Variants in CCDC88A observed in about 807,000 individuals in gnomAD.
The protein encoded by CCDC88A is coiled-coil and HOOK domain protein 88A, also known as girdin.
In CCDC88A, 54 loss-of-function variants were observed where a neutral mutation model predicts 234.3. That is an observed-to-expected ratio of 0.23 (90% confidence interval 0.19 to 0.29). The LOEUF is 0.29. Ranked by LOEUF, CCDC88A falls within the 10% of genes least tolerant of loss-of-function variation. The probability of loss-of-function intolerance (pLI) is 1.00; values close to 1 mark genes in which losing one functional copy is unlikely to be tolerated. For synonymous variants in CCDC88A, 753 were observed against 737.8 expected, an observed-to-expected ratio of 1.02 and a Z score of -0.33; for missense variants, 1,832 against 2,123.4, an observed-to-expected ratio of 0.86 and a Z score of 2.70.
At chr2:55,399,795 G>C (rs1345428975) in intron 2 of CCDC88A, 1 of 152,124 alleles carries the variant, frequency 6.6e-6, no homozygotes, top group Non-Finnish European at 1.5e-5. Context: ...CAGGAATTCA[G>C]AGTCATAAGA....
At position 55,396,110 on chromosome 2, in the gene CCDC88A, A is replaced by C. The variant is rs146596137; in HGVS notation, c.165-7224T>G. Among the ~76,000 whole-genome samples the C allele has an allele frequency of 4.3e-3, 650 of 152,102 alleles. 2 individuals are homozygous for C. The highest frequency in any genetic ancestry group is 6.3e-3 in the Non-Finnish European group (427 of 67,988). ...TGTCTGGTATCTTTTTTAGTCAGTA[A>C]GTTAAACAAATACTCACTGAGTACC... is the stretch of plus-strand genomic sequence containing the variant. On this transcript the variant is annotated intron_variant, in intron 2 of 32. Coordinates refer to ENST00000436346, the MANE Select transcript of CCDC88A (RefSeq NM_001365480.1).
chr2:55,376,538 A>T (rs920110200), intron 3 of CCDC88A, among the ~76,000 whole-genome samples: 2 of 152,172 alleles, frequency 1.3e-5, no homozygotes, highest in African/African-American at 2.4e-5. Context: ...CTTATCTATA[A>T]TTCTTTATAG....
In CCDC88A at chr2:55,328,286, T is replaced by A. The variant is rs755446822; in HGVS notation, c.2997+8A>T. 6.4e-7 allele frequency: 1 copy of A among 1,562,456 alleles called. No homozygotes were observed. ...ATCCTTAAAATTCTTTCCAAGAAAA[T>A]CACTTACTGTTTTAAGTTCTTGGCG... On this transcript the variant is annotated splice_region_variant and intron_variant, in intron 17 of 32. Coordinates refer to ENST00000436346, the MANE Select transcript of CCDC88A (RefSeq NM_001365480.1). The surrounding 1 kb of genome is among the most constrained non-coding windows in gnomAD (Gnocchi z 4.3).
chr2:55,389,558 C>T (rs1402984329), intron 2 of CCDC88A, among the ~76,000 whole-genome samples: 4 of 152,138 alleles, frequency 2.6e-5, no homozygotes, highest in African/African-American at 9.7e-5. Flanking sequence ...TTAATCTGTT[C>T]CCTTTCTACA....
rs1294898925 is a variant in CCDC88A, at chr2:55,289,749, AAGAG to A, written c.*1447_*1450del. On this transcript the variant is annotated 3_prime_UTR_variant, in exon 33 of 33. Transcript: ENST00000436346. ...ACACAACATTGCTACTGGCCTACGA[AAGAG>A]AGAGAGAAAGAGGGAGAGAGAAAGA... is the stretch of plus-strand genomic sequence containing the variant. 7.5e-6 allele frequency: 1 copy of A among 132,912 alleles called. No homozygotes were observed. Among genetic ancestry groups the A allele is most frequent in the Non-Finnish European group, 1.6e-5 (1 of 62,300 alleles). The allele number at this position is 132,912 out of a possible 1,614,324, so 8.2% of individuals were successfully genotyped here. A position where few individuals can be genotyped will look rare whatever the true frequency, so the allele number is the denominator to read the frequency against.
At chr2:55,416,305 G>C (rs1209110033) in intron 2 of CCDC88A, among the ~76,000 whole-genome samples, 1 of 149,896 alleles carries the variant, frequency 6.7e-6, no homozygotes, top group African/African-American at 2.4e-5. Context: ...CATCACAACA[G>C]ACTATCCAAA....
intron 29 of CCDC88A, among the ~76,000 whole-genome samples, chr2:55,297,355 A>AAATATATATAATATATATTATATAT (rs1680258075): frequency 6.2e-5 from 6 of 97,162 alleles, no homozygotes; most frequent in East Asian, 4.3e-4. Context: ...TATTATATAT[A>AAATATATATAATATATATTATATAT]AATATATATA....
Position 55,295,705 on chromosome 2 carries a change from T to G in CCDC88A, c.5443A>C (p.Thr1815Pro). Residue 1815 changes from threonine (T) to proline (P), a missense_variant, in exon 31 of 33, where the codon ACT (threonine) becomes CCT (proline). Physicochemically the swap from Thr to Pro is conservative, Grantham distance 38 (BLOSUM62 -1). This residue lies in a region of CCDC88A where 422 missense variants were observed against 416.5 expected (regional missense o/e 1.01). Coordinates refer to ENST00000436346, the MANE Select transcript of CCDC88A (RefSeq NM_001365480.1). ...ASSVISTAEG[T>P]TRRTSIHDFL... ...TCATGGATGCTTGTCCTTCGTGTAGTTCCTTCGGCAGTTGAGATCACGCTG... is the reference window on the plus strand; with the variant it reads ...TCATGGATGCTTGTCCTTCGTGTAGGTCCTTCGGCAGTTGAGATCACGCTG... 6.2e-7 allele frequency: 1 copy of G among 1,614,162 alleles called. No individual in the cohort carries two copies. The highest frequency in any genetic ancestry group is 8.5e-7 in the Non-Finnish European group (1 of 1,180,010).
intron 8 of CCDC88A, chr2:55,349,802 G>A: frequency 2.2e-6 from 1 of 460,856 alleles, no homozygotes; most frequent in Non-Finnish European, 3.8e-6. Context: ...CTTCCCTAAT[G>A]TTTTCCAAAG....
At position 55,309,828 on chromosome 2, in the gene CCDC88A, G is replaced by T. The variant is rs1682106826; in HGVS notation, c.4080-574C>A. Among the ~76,000 whole-genome samples the T allele has an allele frequency of 6.6e-6, 1 of 152,006 alleles. No individual in the cohort carries two copies. On this transcript the variant is annotated intron_variant, in intron 23 of 32. Coordinates refer to ENST00000436346, the MANE Select transcript of CCDC88A (RefSeq NM_001365480.1). This position sits in a 1 kb window ranked among gnomAD's most constrained non-coding sequence, Gnocchi z 5.1. ...GAAGGCATGAGGTATATATGAAGAT[G>T]AATAATAAATAGCTTTGTTTACAAT...
chr2:55,413,970 A>AAAAC lies in CCDC88A; in HGVS notation c.164+4845_164+4846insGTTT, dbSNP rs201117653. ...GTCTCAAAAAACAAAAACAAAAACAAAAAAAAAAAACAAGCAAACAAACAA... is the reference window on the plus strand; with the variant it reads ...GTCTCAAAAAACAAAAACAAAAACAAAAACAAAAAAAAAACAAGCAAACAAACAA... On this transcript the variant is annotated intron_variant, in intron 2 of 32. Transcript: ENST00000436346. Among the ~76,000 whole-genome samples the AAAAC allele has an allele frequency of 3.3e-3, 14 of 4,304 alleles. 1 individual carries two copies. The highest frequency in any genetic ancestry group is 0.016 in the Admixed American group (2 of 126). The allele number at this position is 4,304 out of a possible 152,430, so 2.8% of individuals were successfully genotyped here.
intron 2 of CCDC88A, among the ~76,000 whole-genome samples, chr2:55,395,805 T>C (rs770940138): frequency 3.9e-5 from 6 of 152,198 alleles, no homozygotes; most frequent in South Asian, 2.1e-4. Flanking sequence ...AAGCTAAATC[T>C]GACCTGTGAC....
intron 2 of CCDC88A, among the ~76,000 whole-genome samples, chr2:55,401,212 T>C (rs935245809): frequency 1.3e-5 from 2 of 151,510 alleles, no homozygotes; most frequent in Admixed American, 6.6e-5. Context: ...AGAGAATTGC[T>C]TCAGGCCAGG....
chr2:55,355,171 A>G (rs906683850), intron 8 of CCDC88A, among the ~76,000 whole-genome samples: 12 of 152,052 alleles, frequency 7.9e-5, no homozygotes, highest in African/African-American at 2.9e-4. Flanking sequence ...TAATGCGAAG[A>G]ACTCAGTCTT....
Position 55,332,756 on chromosome 2 carries a change from A to C in CCDC88A, c.2728-63T>G. 1 of 1,464,826 alleles carries C rather than the reference A, an allele frequency of 6.8e-7. No individual in the cohort carries two copies. Among genetic ancestry groups the C allele is most frequent in the South Asian group, 1.2e-5 (1 of 84,298 alleles). 90.7% of individuals were successfully genotyped at this position (1,464,826 alleles called of 1,614,324 possible). A position where few individuals can be genotyped will look rare whatever the true frequency, so the allele number is the denominator to read the frequency against. On this transcript the variant is annotated intron_variant, in intron 15 of 32. Coordinates refer to ENST00000436346, the MANE Select transcript of CCDC88A (RefSeq NM_001365480.1). This position sits in a 1 kb window ranked among gnomAD's most constrained non-coding sequence, Gnocchi z 4.5. Reference sequence around the variant, plus strand: ...AAGGGTATAAACATCTAAGAAAGTCAGCTAAGATTCTAATTACCACCATCT... The same window carrying C: ...AAGGGTATAAACATCTAAGAAAGTCCGCTAAGATTCTAATTACCACCATCT...
chr2:55,383,094 A>G (rs560004542), intron 3 of CCDC88A, among the ~76,000 whole-genome samples: 1 of 151,202 alleles, frequency 6.6e-6, no homozygotes, highest in Admixed American at 6.6e-5. Context: ...AAAACAAAAG[A>G]GTACTGACAT....
At chr2:55,398,222 T>C (rs1472347787) in intron 2 of CCDC88A, among the ~76,000 whole-genome samples, 1 of 152,180 alleles carries the variant, frequency 6.6e-6, no homozygotes, top group Non-Finnish European at 1.5e-5. Context: ...GGAAAGCCAA[T>C]AGAATAGCGG....
At position 55,332,727 on chromosome 2, in the gene CCDC88A, T is replaced by C; in HGVS notation, c.2728-34A>G. On this transcript the variant is annotated intron_variant, in intron 15 of 32. Transcript: ENST00000436346. The surrounding 1 kb of genome is among the most constrained non-coding windows in gnomAD (Gnocchi z 4.5). ...AAAAGAAATGCAAAACTCACCTAAG[T>C]GTCAAGGGTATAAACATCTAAGAAA... 6.2e-7 allele frequency: 1 copy of C among 1,606,200 alleles called. No homozygotes were observed. Among genetic ancestry groups the C allele is most frequent in the Admixed American group, 1.7e-5 (1 of 59,862 alleles).
chr2:55,372,905 C>T (rs1162928995), intron 4 of CCDC88A, among the ~76,000 whole-genome samples: 5 of 152,106 alleles, frequency 3.3e-5, no homozygotes, highest in South Asian at 2.1e-4. Context: ...CCTCTTAGGC[C>T]TATTAGTGTT....
Sources: allele counts gnomAD v4.1 joint callset (sites outside exome capture counted in the v4.1 genomes callset), GRCh38; gene constraint gnomAD v4.1.1; regional missense constraint gnomAD v4.1.1; non-coding constraint Gnocchi (gnomAD v3.1); transcripts MANE v1.5; gene names NCBI Gene and HGNC (gene_info 2026-07-23, HGNC 2026-07-21).